The following SLC35F1 variants were observed in gnomAD, a reference collection of about 807,000 sequenced individuals.
SLC35F1 encodes the protein chromosome 6 open reading frame 169.
In SLC35F1, 14 loss-of-function variants were observed where a neutral mutation model predicts 48.7. The observed-to-expected ratio is 0.29, with a 90% CI of 0.19 to 0.45. The LOEUF (loss-of-function observed/expected upper bound fraction) is 0.45, where lower values mean the gene tolerates loss of function less well. SLC35F1 is among the 20% of genes least tolerant of loss of function. SLC35F1 has a pLI of 1.00. For synonymous variants in SLC35F1, 190 were observed against 202.2 expected, an observed-to-expected ratio of 0.94 and a Z score of 0.51; for missense variants, 404 against 500.0, an observed-to-expected ratio of 0.81 and a Z score of 1.83.
chr6:117,910,298 G>C (rs1038674090), intron 1 of SLC35F1, among the ~76,000 whole-genome samples: 2 of 152,170 alleles, frequency 1.3e-5, no homozygotes, highest in Non-Finnish European at 2.9e-5. Flanking sequence ...CTCCCCTCTG[G>C]TTTGAACCCT....
At chr6:118,210,367 G>T (rs1183819398) in intron 2 of SLC35F1, among the ~76,000 whole-genome samples, 1 of 152,144 alleles carries the variant, frequency 6.6e-6, no homozygotes, top group Non-Finnish European at 1.5e-5. Flanking sequence ...TCTATGGAAA[G>T]TCTTGTTTGG....
intron 1 of SLC35F1, among the ~76,000 whole-genome samples, chr6:117,938,987 G>A (rs1273749088): frequency 6.7e-6 from 1 of 148,418 alleles, no homozygotes; most frequent in African/African-American, 2.5e-5. Context: ...AGATATGCCT[G>A]TATGTGCTTG....
chr6:118,097,039 T>C (rs1773187265), intron 1 of SLC35F1, among the ~76,000 whole-genome samples: 2 of 152,332 alleles, frequency 1.3e-5, no homozygotes, highest in Admixed American at 6.5e-5. Context: ...CTGGCCTCTC[T>C]TCTTCCTCTT....
intron 2 of SLC35F1, among the ~76,000 whole-genome samples, chr6:118,201,981 G>C (rs1346009072): frequency 3.9e-5 from 6 of 152,084 alleles, no homozygotes; most frequent in Admixed American, 2.6e-4. Flanking sequence ...CCATTTTATG[G>C]ATATATCCTA....
Position 118,035,682 on chromosome 6 carries a change from A to ATTTT in SLC35F1, c.174-118741_174-118738dup, listed in dbSNP as rs745704672. ...AAACCCCCAACATTTGGCTTTGTTA[A>ATTTT]TTTTTTTTTTTTTTTTTTTTTTTTT... On this transcript the variant is annotated intron_variant, in intron 1 of 7. Coordinates refer to ENST00000360388, the MANE Select transcript of SLC35F1 (RefSeq NM_001029858.4). 8.0e-3 allele frequency among the ~76,000 whole-genome samples: 700 copies of ATTTT among 87,318 alleles called. 25 individuals carry two copies. Among genetic ancestry groups the ATTTT allele is most frequent in the Middle Eastern group, 0.014 (1 of 74 alleles). The allele number at this position is 87,318 out of a possible 152,430, so 57.3% of individuals were successfully genotyped here. A position where few individuals can be genotyped will look rare whatever the true frequency, so the allele number is the denominator to read the frequency against.
chr6:117,935,495 T>G (rs1030378552), intron 1 of SLC35F1, among the ~76,000 whole-genome samples: 1 of 152,208 alleles, frequency 6.6e-6, no homozygotes, highest in Non-Finnish European at 1.5e-5. Flanking sequence ...ATATATATTG[T>G]TGATTCATAA....
intron 1 of SLC35F1, among the ~76,000 whole-genome samples, chr6:118,008,394 A>T (rs1037529934): frequency 3.9e-5 from 6 of 152,176 alleles, no homozygotes; most frequent in African/African-American, 1.4e-4. Context: ...GGAGCAACTG[A>T]GAAATCTGCC....
chr6:118,202,519 C>A (rs777987901), intron 2 of SLC35F1, among the ~76,000 whole-genome samples: 4 of 152,080 alleles, frequency 2.6e-5, no homozygotes, highest in Non-Finnish European at 5.9e-5. Context: ...AAGAAAATGG[C>A]TGCACTGTTT....
chr6:118,256,950 T>C (rs1775653863), intron 3 of SLC35F1, among the ~76,000 whole-genome samples: 1 of 152,170 alleles, frequency 6.6e-6, no homozygotes, highest in Non-Finnish European at 1.5e-5. Flanking sequence ...TCTTATAGAT[T>C]CTAATTTTCT....
intron 3 of SLC35F1, among the ~76,000 whole-genome samples, chr6:118,243,683 C>A (rs1562337401): frequency 6.6e-6 from 1 of 152,140 alleles, no homozygotes; most frequent in African/African-American, 2.4e-5. Context: ...AGTCACTAAG[C>A]AGACTTCTAA....
chr6:118,212,605 GC>G (rs1775013199), intron 2 of SLC35F1, among the ~76,000 whole-genome samples: 1 of 151,902 alleles, frequency 6.6e-6, no homozygotes, highest in African/African-American at 2.4e-5. Flanking sequence ...CAGAAGAATC[GC>G]TTGACCCTGG....
chr6:117,988,803 A>G (rs1776880715), intron 1 of SLC35F1, among the ~76,000 whole-genome samples: 1 of 152,202 alleles, frequency 6.6e-6, no homozygotes, highest in Admixed American at 6.5e-5. Flanking sequence ...GTTAGTGTTT[A>G]TTGGGTACAG....
chr6:118,231,554 C>G (rs1245827276), intron 2 of SLC35F1, among the ~76,000 whole-genome samples: 1 of 152,166 alleles, frequency 6.6e-6, no homozygotes, highest in Non-Finnish European at 1.5e-5. Flanking sequence ...AATAAAAAAG[C>G]CTTCCTCTTG....
At chr6:117,923,694 C>CATATGTACATATATACATATGTAT (rs1554216718) in intron 1 of SLC35F1, among the ~76,000 whole-genome samples, 1 of 13,506 alleles carries the variant, frequency 7.4e-5, no homozygotes, top group Non-Finnish European at 1.0e-4. Flanking sequence ...TACATATGTA[C>CATATGTACATATATACATATGTAT]ATATACATAT....
At chr6:118,239,004 C>A (rs1325965855) in intron 3 of SLC35F1, among the ~76,000 whole-genome samples, 1 of 151,852 alleles carries the variant, frequency 6.6e-6, no homozygotes, top group Non-Finnish European at 1.5e-5. Context: ...ACCACAATGT[C>A]TGTACACCCA....
chr6:118,232,940 G>T lies in SLC35F1; in HGVS notation c.350-2569G>T, dbSNP rs371646595. On this transcript the variant is annotated intron_variant, in intron 2 of 7. Transcript: ENST00000360388. ...CCAGTTAAATCAGAATCTCTAGAAG[G>T]GGGGCTGGTCCCAGGCATTAGGACT... is the stretch of plus-strand genomic sequence containing the variant. Among the ~76,000 whole-genome samples the T allele has an allele frequency of 7.0e-4, 106 of 151,734 alleles. 1 individual carries two copies. In the South Asian group the frequency reaches 0.014, roughly 20 times the overall value.
At chr6:118,202,027 G>T (rs1218790098) in intron 2 of SLC35F1, among the ~76,000 whole-genome samples, 1 of 151,866 alleles carries the variant, frequency 6.6e-6, no homozygotes, top group Admixed American at 6.5e-5. Context: ...TGGTCATTTG[G>T]GTTGTTTTGG....
chr6:118,054,205 T>C (rs2114912330), intron 1 of SLC35F1, among the ~76,000 whole-genome samples: 1 of 152,278 alleles, frequency 6.6e-6, no homozygotes, highest in Non-Finnish European at 1.5e-5. Context: ...TGCAATTGGT[T>C]AGCAATGAGC....
At chr6:118,073,019 T>C (rs1413900520) in intron 1 of SLC35F1, among the ~76,000 whole-genome samples, 1 of 152,228 alleles carries the variant, frequency 6.6e-6, no homozygotes, top group Non-Finnish European at 1.5e-5. Flanking sequence ...ATACAATTTC[T>C]GTTCTGGAAA....
Sources: gnomAD v4.1 joint callset for allele counts (sites outside exome capture counted in the v4.1 genomes callset) on GRCh38, gnomAD v4.1.1 for gene constraint, MANE v1.5 for transcripts, NCBI Gene and HGNC (gene_info 2026-07-23, HGNC 2026-07-21) for gene names.